The following ATXN7L3B variants were observed in gnomAD, a reference collection of about 807,000 sequenced individuals.
ATXN7L3B encodes the protein ataxin 7 like 3B, also known as ataxin-7-like protein 3B.
Under a neutral mutation model 6.3 loss-of-function variants are expected in ATXN7L3B, and 4 were observed. The observed-to-expected ratio is 0.63, with a 90% CI of 0.31 to 1.45. The LOEUF is 1.45. ATXN7L3B is among the 40% of genes most tolerant of loss of function. ATXN7L3B has a pLI of 0.07. For missense variants in ATXN7L3B, 120 were observed against 118.5 expected (o/e 1.01, Z -0.06); for synonymous variants, 63 against 48.0 (o/e 1.31, Z -1.29).
rs1054690539 is a variant in ATXN7L3B at position 74,538,621 on chromosome 12, G to A, written c.*215G>A. The stretch of plus-strand genomic sequence containing the variant: ...CAAGCTCTGAAGCCCTGGGCAGGAG[G>A]AGCTGCACAGCCTGCGGGCCATGCA... On this transcript the variant is annotated 3_prime_UTR_variant, in exon 1 of 1. Transcript: ENST00000519948. The A allele has an allele frequency of 4.3e-5, 25 of 582,180 alleles. No homozygotes were observed. Among genetic ancestry groups the A allele is most frequent in the Non-Finnish European group, 6.2e-5 (20 of 321,190 alleles). 36.1% of individuals were successfully genotyped at this position (582,180 alleles called of 1,614,324 possible). A position where few individuals can be genotyped will look rare whatever the true frequency, so the allele number is the denominator to read the frequency against.
chr12:74,538,517 TC>T lies in ATXN7L3B; in HGVS notation c.*116del, dbSNP rs1228270030. 9 of 1,024,512 alleles carry T rather than the reference TC, an allele frequency of 8.8e-6. No homozygotes were observed. The highest frequency in any genetic ancestry group is 1.1e-5 in the Non-Finnish European group (8 of 711,134). The allele number at this position is 1,024,512 out of a possible 1,614,324, so 63.5% of individuals were successfully genotyped here. On this transcript the variant is annotated 3_prime_UTR_variant, in exon 1 of 1. Transcript: ENST00000519948. ...AGAAAAATCAGACAAAAGTTTTAAT[TC>T]CCCCTTGAAGATCCTAGCATTTAAA...
rs974729092 is a variant in ATXN7L3B at position 74,543,957 on chromosome 12, C to T, written c.*5551C>T. 6.6e-6 allele frequency: 1 copy of T among 151,920 alleles called. No homozygotes were observed. The highest frequency in any genetic ancestry group is 1.9e-4 in the East Asian group (1 of 5,188). The allele number at this position is 151,920 out of a possible 1,614,324, so 9.4% of individuals were successfully genotyped here. On this transcript the variant is annotated 3_prime_UTR_variant, in exon 1 of 1. Transcript: ENST00000519948. ...TGGAAGAAACAAAATTTTTACTGTTCTAAGATGATATTTACATGAACAATT... is the reference window on the plus strand; with the variant it reads ...TGGAAGAAACAAAATTTTTACTGTTTTAAGATGATATTTACATGAACAATT...
In ATXN7L3B at chr12:74,542,988, G is replaced by C. The variant is rs1382515573; in HGVS notation, c.*4582G>C. On this transcript the variant is annotated 3_prime_UTR_variant, in exon 1 of 1. Coordinates refer to ENST00000519948, the MANE Select transcript of ATXN7L3B (RefSeq NM_001136262.2). ...TGCTGTGAAGGATTACGAGCTCTCT[G>C]ATTTTCATTTATGTTCCAAAAGATG... is the stretch of plus-strand genomic sequence containing the variant. 1 of 152,126 alleles carries C rather than the reference G, an allele frequency of 6.6e-6. No homozygotes were observed. Among genetic ancestry groups the C allele is most frequent in the East Asian group, 1.9e-4 (1 of 5,190 alleles). 9.4% of individuals were successfully genotyped at this position (152,126 alleles called of 1,614,324 possible). A position where few individuals can be genotyped will look rare whatever the true frequency, so the allele number is the denominator to read the frequency against.
rs1422325257 is a variant in ATXN7L3B, at chr12:74,541,680, C to A, written c.*3274C>A. ...CAAACCGTATACAATCATCCCTTTT[C>A]CATATGAGGTAAGAAGGTGGTAAGA... is the stretch of plus-strand genomic sequence containing the variant. On this transcript the variant is annotated 3_prime_UTR_variant, in exon 1 of 1. Transcript: ENST00000519948. 3.3e-5 allele frequency: 5 copies of A among 152,182 alleles called. No individual in the cohort carries two copies. Among genetic ancestry groups the A allele is most frequent in the Non-Finnish European group, 5.9e-5 (4 of 68,036 alleles). The allele number at this position is 152,182 out of a possible 1,614,324, so 9.4% of individuals were successfully genotyped here. A position where few individuals can be genotyped will look rare whatever the true frequency, so the allele number is the denominator to read the frequency against.
Position 74,538,732 on chromosome 12 carries a change from A to G in ATXN7L3B, c.*326A>G, listed in dbSNP as rs1868796884. On this transcript the variant is annotated 3_prime_UTR_variant, in exon 1 of 1. Transcript: ENST00000519948. Reference sequence around the variant, plus strand: ...ACAGGTGAGCAGTTGTGTGCCCAGCATATAAAATTTTTGGTTCCTCAGCCT... The same window carrying G: ...ACAGGTGAGCAGTTGTGTGCCCAGCGTATAAAATTTTTGGTTCCTCAGCCT... 3.5e-6 allele frequency: 1 copy of G among 283,036 alleles called. No homozygotes were observed. Among genetic ancestry groups the G allele is most frequent in the Non-Finnish European group, 7.1e-6 (1 of 139,894 alleles). 17.5% of individuals were successfully genotyped at this position (283,036 alleles called of 1,614,324 possible). A position where few individuals can be genotyped will look rare whatever the true frequency, so the allele number is the denominator to read the frequency against.
chr12:74,544,108 A>G lies in ATXN7L3B; in HGVS notation c.*5702A>G, dbSNP rs145296973. 2 of 152,204 alleles carry G rather than the reference A, an allele frequency of 1.3e-5. No individual in the cohort carries two copies. Among genetic ancestry groups the G allele is most frequent in the African/African-American group, 2.4e-5 (1 of 41,588 alleles). 9.4% of individuals were successfully genotyped at this position (152,204 alleles called of 1,614,324 possible). A position where few individuals can be genotyped will look rare whatever the true frequency, so the allele number is the denominator to read the frequency against. ...AGCACAGTTACTGGATATAAGATCA[A>G]TATCTAAAATCAGAATACCAACATT... is the stretch of plus-strand genomic sequence containing the variant. On this transcript the variant is annotated 3_prime_UTR_variant, in exon 1 of 1. Coordinates refer to ENST00000519948, the MANE Select transcript of ATXN7L3B (RefSeq NM_001136262.2).
In ATXN7L3B at chr12:74,541,936, T is replaced by C. The variant is rs1038466051; in HGVS notation, c.*3530T>C. The stretch of plus-strand genomic sequence containing the variant: ...TTCATTTTTAATAGTAATTCTGAGG[T>C]TTTTCATCCCATTCCTAACCCAGAG... On this transcript the variant is annotated 3_prime_UTR_variant, in exon 1 of 1. Coordinates refer to ENST00000519948, the MANE Select transcript of ATXN7L3B (RefSeq NM_001136262.2). 6.6e-6 allele frequency: 1 copy of C among 152,026 alleles called. No homozygotes were observed. Among genetic ancestry groups the C allele is most frequent in the Non-Finnish European group, 1.5e-5 (1 of 67,990 alleles). 9.4% of individuals were successfully genotyped at this position (152,026 alleles called of 1,614,324 possible).
In ATXN7L3B at chr12:74,542,243, A is replaced by C. The variant is rs1230671415; in HGVS notation, c.*3837A>C. 1 of 152,200 alleles carries C rather than the reference A, an allele frequency of 6.6e-6. No homozygotes were observed. The highest frequency in any genetic ancestry group is 2.4e-5 in the African/African-American group (1 of 41,462). The allele number at this position is 152,200 out of a possible 1,614,324, so 9.4% of individuals were successfully genotyped here. A position where few individuals can be genotyped will look rare whatever the true frequency, so the allele number is the denominator to read the frequency against. ...CGTGGTGATTTGAGAAAACTTAAAA[A>C]TTTGACGTGTGAAACCCATGATGTA... On this transcript the variant is annotated 3_prime_UTR_variant, in exon 1 of 1. Transcript: ENST00000519948.
chr12:74,538,062 T>G lies in ATXN7L3B; in HGVS notation c.-51T>G, dbSNP rs1868765931. 3 of 1,524,548 alleles carry G rather than the reference T, an allele frequency of 2.0e-6. No individual in the cohort carries two copies. The highest frequency in any genetic ancestry group is 2.7e-6 in the Non-Finnish European group (3 of 1,129,702). The allele number at this position is 1,524,548 out of a possible 1,614,324, so 94.4% of individuals were successfully genotyped here. A position where few individuals can be genotyped will look rare whatever the true frequency, so the allele number is the denominator to read the frequency against. On this transcript the variant is annotated 5_prime_UTR_variant, in exon 1 of 1. Coordinates refer to ENST00000519948, the MANE Select transcript of ATXN7L3B (RefSeq NM_001136262.2). Reference sequence around the variant, plus strand: ...GCGCGGCCCGCGGAGCCAGACGTGTTGCTGCCGTGAGTAAAACGAGCGCCC... The same window carrying G: ...GCGCGGCCCGCGGAGCCAGACGTGTGGCTGCCGTGAGTAAAACGAGCGCCC...
chr12:74,542,829 G>A lies in ATXN7L3B; in HGVS notation c.*4423G>A, dbSNP rs1315275661. On this transcript the variant is annotated 3_prime_UTR_variant, in exon 1 of 1. Coordinates refer to ENST00000519948, the MANE Select transcript of ATXN7L3B (RefSeq NM_001136262.2). Reference sequence around the variant, plus strand: ...GTTTTTCTTACAATTTTTTAAAAGAGATTTATGAAGAAACTATGTGCTAAA... The same window carrying A: ...GTTTTTCTTACAATTTTTTAAAAGAAATTTATGAAGAAACTATGTGCTAAA... 6.6e-6 allele frequency: 1 copy of A among 152,034 alleles called. No individual in the cohort carries two copies. The highest frequency in any genetic ancestry group is 1.9e-4 in the East Asian group (1 of 5,200). 9.4% of individuals were successfully genotyped at this position (152,034 alleles called of 1,614,324 possible).
In ATXN7L3B at chr12:74,540,243, G is replaced by T. The variant is rs1388368228; in HGVS notation, c.*1837G>T. ...TCCTATATAGGACTGCTTTGCTAGT[G>T]TGCCCTCTTGCTGTGTCTTACTTCA... On this transcript the variant is annotated 3_prime_UTR_variant, in exon 1 of 1. Coordinates refer to ENST00000519948, the MANE Select transcript of ATXN7L3B (RefSeq NM_001136262.2). 2 of 166,956 alleles carry T rather than the reference G, an allele frequency of 1.2e-5. No individual in the cohort carries two copies. The highest frequency in any genetic ancestry group is 2.9e-5 in the Non-Finnish European group (2 of 68,124). The allele number at this position is 166,956 out of a possible 1,614,324, so 10.3% of individuals were successfully genotyped here. A position where few individuals can be genotyped will look rare whatever the true frequency, so the allele number is the denominator to read the frequency against.
rs1868757393 is a variant in ATXN7L3B at position 74,537,852 on chromosome 12, G to A, written c.-261G>A. On this transcript the variant is annotated 5_prime_UTR_variant, in exon 1 of 1. Transcript: ENST00000519948. ...AGAGGCCCAGGAGGCTGGGTGAGGC[G>A]CTGAGACGGTTTGGCGGTGAGTCCT... is the stretch of plus-strand genomic sequence containing the variant. 2.1e-6 allele frequency: 1 copy of A among 465,266 alleles called. No individual in the cohort carries two copies. Among genetic ancestry groups the A allele is most frequent in the South Asian group, 2.4e-5 (1 of 41,144 alleles). 28.8% of individuals were successfully genotyped at this position (465,266 alleles called of 1,614,324 possible). A position where few individuals can be genotyped will look rare whatever the true frequency, so the allele number is the denominator to read the frequency against.
Position 74,539,904 on chromosome 12 carries a change from C to T in ATXN7L3B, c.*1498C>T. ...TCATTCTGTGCCCCAGTAGGGGGTC[C>T]AGCCTCATCTGTCTGGCTTGGCCCT... On this transcript the variant is annotated 3_prime_UTR_variant, in exon 1 of 1. Coordinates refer to ENST00000519948, the MANE Select transcript of ATXN7L3B (RefSeq NM_001136262.2). 6.0e-6 allele frequency: 1 copy of T among 167,444 alleles called. No individual in the cohort carries two copies. The highest frequency in any genetic ancestry group is 1.5e-5 in the Non-Finnish European group (1 of 68,330). 10.4% of individuals were successfully genotyped at this position (167,444 alleles called of 1,614,324 possible). A position where few individuals can be genotyped will look rare whatever the true frequency, so the allele number is the denominator to read the frequency against.
rs1022401358 is a variant in ATXN7L3B, at chr12:74,539,823, TGGGAGCCCCGAGGTGAGC to T, written c.*1422_*1439del. On this transcript the variant is annotated 3_prime_UTR_variant, in exon 1 of 1. Transcript: ENST00000519948. ...CGAGGGTTTATGAAGTATAAAGGGG[TGGGAGCCCCGAGGTGAGC>T]GGGAACGGTGCTGCTTTATTTGAAA... 1 of 167,206 alleles carries T rather than the reference TGGGAGCCCCGAGGTGAGC, an allele frequency of 6.0e-6. No individual in the cohort carries two copies. The highest frequency in any genetic ancestry group is 1.5e-5 in the Non-Finnish European group (1 of 68,252). 10.4% of individuals were successfully genotyped at this position (167,206 alleles called of 1,614,324 possible).
In ATXN7L3B at chr12:74,538,816, C is replaced by CCGTG. The variant is rs1868800507; in HGVS notation, c.*411_*414dup. 5.1e-6 allele frequency: 1 copy of CCGTG among 196,492 alleles called. No individual in the cohort carries two copies. The highest frequency in any genetic ancestry group is 1.1e-4 in the South Asian group (1 of 9,122). 12.2% of individuals were successfully genotyped at this position (196,492 alleles called of 1,614,324 possible). ...AGTTTGGACGTTACAGTTCGTCAGG[C>CCGTG]CGTGATCAGTGGCCTGCAGTGGGAC... is the stretch of plus-strand genomic sequence containing the variant. On this transcript the variant is annotated 3_prime_UTR_variant, in exon 1 of 1. Transcript: ENST00000519948.
At position 74,541,819 on chromosome 12, in the gene ATXN7L3B, T is replaced by G. The variant is rs1177245001; in HGVS notation, c.*3413T>G. 6.6e-6 allele frequency: 1 copy of G among 152,340 alleles called. No individual in the cohort carries two copies. Among genetic ancestry groups the G allele is most frequent in the South Asian group, 2.1e-4 (1 of 4,834 alleles). The allele number at this position is 152,340 out of a possible 1,614,324, so 9.4% of individuals were successfully genotyped here. On this transcript the variant is annotated 3_prime_UTR_variant, in exon 1 of 1. Coordinates refer to ENST00000519948, the MANE Select transcript of ATXN7L3B (RefSeq NM_001136262.2). ...TCATTTTAAGCTAATATCCTTGTTC[T>G]CAAAAGGTAAAGTGATTCACAGCAG...
Position 74,544,937 on chromosome 12 carries a change from A to T in ATXN7L3B, c.*6531A>T, listed in dbSNP as rs1868986665. 6.6e-6 allele frequency: 1 copy of T among 152,054 alleles called. No individual in the cohort carries two copies. 9.4% of individuals were successfully genotyped at this position (152,054 alleles called of 1,614,324 possible). A position where few individuals can be genotyped will look rare whatever the true frequency, so the allele number is the denominator to read the frequency against. On this transcript the variant is annotated 3_prime_UTR_variant, in exon 1 of 1. Transcript: ENST00000519948. ...GTAAAAGAACAGCTCATTCTTACAA[A>T]AAGAAATATGAATGGCCAAAAAGTT...
rs1326966026 is a variant in ATXN7L3B at position 74,539,156 on chromosome 12, T to C, written c.*750T>C. On this transcript the variant is annotated 3_prime_UTR_variant, in exon 1 of 1. Transcript: ENST00000519948. ...TGGACAACTTGGTTGTCCAGACAGGTTGAGGATTCGGTTATGATCCCCTGG... is the reference window on the plus strand; with the variant it reads ...TGGACAACTTGGTTGTCCAGACAGGCTGAGGATTCGGTTATGATCCCCTGG... The C allele has an allele frequency of 1.2e-5, 2 of 167,170 alleles. No individual in the cohort carries two copies. The highest frequency in any genetic ancestry group is 2.9e-5 in the Non-Finnish European group (2 of 68,182). The allele number at this position is 167,170 out of a possible 1,614,324, so 10.4% of individuals were successfully genotyped here. A position where few individuals can be genotyped will look rare whatever the true frequency, so the allele number is the denominator to read the frequency against.
chr12:74,538,102 T>C lies in ATXN7L3B; in HGVS notation c.-11T>C. ...AACGAGCGCCCTCTCCGCACTCGTT[T>C]ACAAATTAAAATGGAGGAAATTTCG... On this transcript the variant is annotated 5_prime_UTR_variant, in exon 1 of 1. Coordinates refer to ENST00000519948, the MANE Select transcript of ATXN7L3B (RefSeq NM_001136262.2). 6.4e-7 allele frequency: 1 copy of C among 1,551,928 alleles called. No individual in the cohort carries two copies. The highest frequency in any genetic ancestry group is 1.4e-5 in the African/African-American group (1 of 73,158).
Sources: gnomAD v4.1 joint callset for allele counts on GRCh38, gnomAD v4.1.1 for gene constraint, MANE v1.5 for transcripts, NCBI Gene and HGNC (gene_info 2026-07-23, HGNC 2026-07-21) for gene names.